Variants in ST6GALNAC1 observed in about 807,000 individuals in gnomAD.
ST6GALNAC1 encodes alpha-N-acetylgalactosaminide alpha-2,6-sialyltransferase 1.
ST6GALNAC1 carries 45 observed loss-of-function variants against 56.8 expected under a neutral mutation model. The ratio of observed to expected loss-of-function variants is 0.79; its 90% CI spans 0.62 to 1.02. The LOEUF (loss-of-function observed/expected upper bound fraction) is 1.02. Ranked by LOEUF, ST6GALNAC1 falls within the 50% of genes least tolerant of loss-of-function variation. The probability of loss-of-function intolerance (pLI) is 0.00; values close to 1 mark genes in which losing one functional copy is unlikely to be tolerated. For missense variants in ST6GALNAC1, 743 were observed against 754.8 expected (o/e 0.98, Z 0.18); for synonymous variants, 295 against 297.8 (o/e 0.99, Z 0.10).
Position 76,627,096 on chromosome 17 carries a change from C to T in ST6GALNAC1, c.1143G>A (p.Gln381=), listed in dbSNP as rs2075811997. Residue 381 remains glutamine (Q), a synonymous_variant, in exon 4 of 9, where the codon CAG becomes CAA. Transcript: ENST00000156626. The surrounding 1 kb of genome is among the most constrained non-coding windows in gnomAD (Gnocchi z 4.4). The stretch of plus-strand genomic sequence containing the variant: ...ACACGTAGTCGTGACTGTCTATCTC[C>T]TGGCCCATGTGGGAGTTGTTCAGGA... ...GGILNNSHMG[Q]EIDSHDYVFR... is the part of the protein sequence containing the mutation. The T allele has an allele frequency of 6.4e-7, 1 of 1,573,078 alleles. No homozygotes were observed.
In ST6GALNAC1 at chr17:76,626,870, A is replaced by T. The variant is rs572235024; in HGVS notation, c.1173-81T>A. ...TAGGTGGATGGGGAAAGGAAGGAGA[A>T]ATGGGGGAGGCAGCAGTTATGTGCG... On this transcript the variant is annotated intron_variant, in intron 4 of 8. Transcript: ENST00000156626. The T allele has an allele frequency of 7.0e-6, 11 of 1,568,450 alleles. No individual in the cohort carries two copies. The South Asian group carries it at 1.2e-4, about 18-fold the overall frequency.
intron 1 of ST6GALNAC1, among the ~76,000 whole-genome samples, chr17:76,637,239 T>TC (rs1221979466): frequency 1.1e-5 from 1 of 93,542 alleles, no homozygotes; most frequent in Non-Finnish European, 2.0e-5. Context: ...AATCCCCCTC[T>TC]CCGAGAAACA....
rs1287077156 is a variant in ST6GALNAC1 at position 76,627,790 on chromosome 17, C to T, written c.832-207G>A. On this transcript the variant is annotated intron_variant, in intron 2 of 8. Transcript: ENST00000156626. The surrounding 1 kb of genome is among the most constrained non-coding windows in gnomAD (Gnocchi z 4.4). ...CTGAGGGTTCTGGGAAATGGGTGTT[C>T]TCGGCCATCGAGGCAAATGCACCTA... Among the ~76,000 whole-genome samples the T allele has an allele frequency of 6.6e-6, 1 of 152,122 alleles. No homozygotes were observed. Among genetic ancestry groups the T allele is most frequent in the African/African-American group, 2.4e-5 (1 of 41,428 alleles).
chr17:76,642,610 A>C (rs546913122), intron 1 of ST6GALNAC1, among the ~76,000 whole-genome samples: 1 of 152,200 alleles, frequency 6.6e-6, no homozygotes, highest in Non-Finnish European at 1.5e-5. Context: ...GAGAACCTGC[A>C]TTACTTTCAA....
intron 1 of ST6GALNAC1, among the ~76,000 whole-genome samples, chr17:76,638,150 G>GC (rs2076002201): frequency 7.4e-6 from 1 of 135,588 alleles, no homozygotes; most frequent in Non-Finnish European, 1.5e-5. Flanking sequence ...TTACGAATTT[G>GC]CACGTCATCC....
the ST6GALNAC1 span, among the ~76,000 whole-genome samples, chr17:76,619,740 G>GTTTTTTTTTTTTTTTT: frequency 1.4e-4 from 14 of 101,570 alleles, no homozygotes; most frequent in African/African-American, 5.5e-4. Context: ...AATAATGTTA[G>GTTTTTTTTTTTTTTTT]TTTTTTTTTT....
the ST6GALNAC1 span, among the ~76,000 whole-genome samples, chr17:76,617,444 A>C: frequency 2.0e-5 from 3 of 152,196 alleles, no homozygotes; most frequent in South Asian, 2.1e-4. Context: ...TTATTCTAGC[A>C]GGGGAGTTAC....
At chr17:76,625,727 C>A in intron 8 of ST6GALNAC1, 92 bp downstream of exon 8, 1 of 1,252,554 alleles carries the variant, frequency 8.0e-7, no homozygotes, top group African/African-American at 1.5e-5. Flanking sequence ...GATGTGGGCA[C>A]CCAGCCCATG....
At chr17:76,621,752 GGC>G (rs1207453718), downstream of ST6GALNAC1, among the ~76,000 whole-genome samples, 5 of 152,102 alleles carry the variant, frequency 3.3e-5, no homozygotes, top group African/African-American at 1.2e-4. Flanking sequence ...TGGCATTACA[GGC>G]GTGAGCCATC....
At chr17:76,623,255 T>G (rs2075759122), downstream of ST6GALNAC1, among the ~76,000 whole-genome samples, 1 of 152,204 alleles carries the variant, frequency 6.6e-6, no homozygotes, top group Non-Finnish European at 1.5e-5. Context: ...CTGTTTTAAT[T>G]ATAGAGACTT....
At position 76,627,482 on chromosome 17, in the gene ST6GALNAC1, G is replaced by A. The variant is rs977710876; in HGVS notation, c.933C>T (p.Asn311=). 1.9e-6 allele frequency: 3 copies of A among 1,614,206 alleles called. No homozygotes were observed. Among genetic ancestry groups the A allele is most frequent in the Non-Finnish European group, 2.5e-6 (3 of 1,180,034 alleles). The part of the protein sequence containing the change: ...LTLFLDSRHF[N]QSEWDRLEHF... ...GTTCCAGGCGGTCCCACTCACTCTG[G>A]TTGAAGTGTCTGGAGTCCAGGAAGA... Residue 311 remains asparagine (N), a synonymous_variant, in exon 3 of 9, where the codon AAC becomes AAT. Coordinates refer to ENST00000156626, the MANE Select transcript of ST6GALNAC1 (RefSeq NM_018414.5). The surrounding 1 kb of genome is among the most constrained non-coding windows in gnomAD (Gnocchi z 4.4).
Position 76,627,171 on chromosome 17 carries a change from G to C in ST6GALNAC1, c.1068C>G (p.Pro356=). ...AGGTGATGCACCGGAGGCTCCCAGC[G>C]GGGAGGCTGGCCAGGAGCAGCTGCT... The part of the protein sequence containing the change: ...PQQQLLLASL[P]AGSLRCITCA... The change falls in exon 4 of 9, where the codon CCC becomes CCG. Residue 356 remains proline (P), a synonymous_variant. Transcript: ENST00000156626. This position sits in a 1 kb window ranked among gnomAD's most constrained non-coding sequence, Gnocchi z 4.4. 1 of 1,603,732 alleles carries C rather than the reference G, an allele frequency of 6.2e-7. No individual in the cohort carries two copies. Among genetic ancestry groups the C allele is most frequent in the Non-Finnish European group, 8.5e-7 (1 of 1,174,474 alleles).
In ST6GALNAC1 at chr17:76,627,603, G is replaced by A. The variant is rs749463946; in HGVS notation, c.832-20C>T. 5 of 1,611,522 alleles carry A rather than the reference G, an allele frequency of 3.1e-6. No homozygotes were observed. The highest frequency in any genetic ancestry group is 4.2e-6 in the Non-Finnish European group (5 of 1,178,712). On this transcript the variant is annotated intron_variant, in intron 2 of 8. Transcript: ENST00000156626. The surrounding 1 kb of genome is among the most constrained non-coding windows in gnomAD (Gnocchi z 4.4). Reference sequence around the variant, plus strand: ...GCAAGTCTATATACAGGAGGACGAAGTCAGGAAGGGAGAGACCCAGAAAGG... The same window carrying A: ...GCAAGTCTATATACAGGAGGACGAAATCAGGAAGGGAGAGACCCAGAAAGG...
In ST6GALNAC1 at chr17:76,625,328, G is replaced by A. The variant is rs553388847; in HGVS notation, c.*2C>T. 34 of 1,612,270 alleles carry A rather than the reference G, an allele frequency of 2.1e-5. No homozygotes were observed. Among genetic ancestry groups the A allele is most frequent in the African/African-American group, 5.3e-5 (4 of 74,868 alleles). On this transcript the variant is annotated 3_prime_UTR_variant, in exon 9 of 9. Coordinates refer to ENST00000156626, the MANE Select transcript of ST6GALNAC1 (RefSeq NM_018414.5). ...AGGAGACCATGGCAGCCCTGGCCCC[G>A]GTCAGTTCTTGGCTTTGGCAGTTCC...
rs116029747 is a variant in ST6GALNAC1 at position 76,632,732 on chromosome 17, C to T, written c.132-3021G>A. ...AGTGCCCCATATTCAACGCGTTCGGCCCTGTGTGGTCCTGACCCTGTGAGC... is the reference window on the plus strand; with the variant it reads ...AGTGCCCCATATTCAACGCGTTCGGTCCTGTGTGGTCCTGACCCTGTGAGC... On this transcript the variant is annotated intron_variant, in intron 1 of 8. Coordinates refer to ENST00000156626, the MANE Select transcript of ST6GALNAC1 (RefSeq NM_018414.5). Among the ~76,000 whole-genome samples the T allele has an allele frequency of 2.6e-3, 401 of 152,216 alleles. 1 individual carries two copies. Among genetic ancestry groups the T allele is most frequent in the African/African-American group, 9.3e-3 (385 of 41,526 alleles).
At chr17:76,635,904 G>A (rs928830032) in intron 1 of ST6GALNAC1, among the ~76,000 whole-genome samples, 1 of 152,184 alleles carries the variant, frequency 6.6e-6, no homozygotes, top group Admixed American at 6.5e-5. Flanking sequence ...TTAGTCATAC[G>A]TGTGCGAGGC....
intron 1 of ST6GALNAC1, among the ~76,000 whole-genome samples, chr17:76,635,671 T>G (rs1364733080): frequency 1.3e-5 from 2 of 152,274 alleles, no homozygotes; most frequent in Non-Finnish European, 2.9e-5. Flanking sequence ...ACAAACCAAC[T>G]AAATGAGACA....
downstream of ST6GALNAC1, among the ~76,000 whole-genome samples, chr17:76,622,643 G>T (rs567388284): frequency 1.2e-4 from 18 of 152,172 alleles, no homozygotes; most frequent in Non-Finnish European, 2.5e-4. Flanking sequence ...GATTATAGGC[G>T]TGAGCCACCG....
chr17:76,629,487 G>T lies in ST6GALNAC1; in HGVS notation c.356C>A (p.Ala119Glu), dbSNP rs986002940. The T allele has an allele frequency of 1.2e-6, 2 of 1,613,960 alleles. No individual in the cohort carries two copies. The highest frequency in any genetic ancestry group is 2.7e-5 in the African/African-American group (2 of 74,886). Reference protein sequence around the residue: ...PEEQDKVPHTAQRAAWKSPEK... With the variant: ...PEEQDKVPHTEQRAAWKSPEK... Reference sequence around the variant, plus strand: ...TGGGCTCTTCCATGCTGCCCTCTGTGCTGTGTGGGGCACCTTGTCCTGCTC... The same window carrying T: ...TGGGCTCTTCCATGCTGCCCTCTGTTCTGTGTGGGGCACCTTGTCCTGCTC... Residue 119 changes from alanine (A) to glutamate (E), a missense_variant, in exon 2 of 9, where the codon GCA becomes GAA. Ala to Glu is a moderately radical substitution (Grantham distance 107, BLOSUM62 -1). Transcript: ENST00000156626.
Sources: allele counts gnomAD v4.1 joint callset (sites outside exome capture counted in the v4.1 genomes callset), GRCh38; gene constraint gnomAD v4.1.1; non-coding constraint Gnocchi (gnomAD v3.1); transcripts MANE v1.5; gene names NCBI Gene and HGNC (gene_info 2026-07-23, HGNC 2026-07-21).